CDH12: variants seen among roughly 807,000 people sequenced by gnomAD.
CDH12 encodes cadherin 12.
CDH12 carries 41 observed loss-of-function variants against 74.1 expected under a neutral mutation model. That is an observed-to-expected ratio of 0.55 (90% CI 0.43 to 0.72). CDH12 has a LOEUF of 0.72. Ranked by LOEUF, CDH12 falls within the 30% of genes least tolerant of loss-of-function variation. The pLI, the probability that CDH12 is intolerant of heterozygous loss-of-function variation, is 0.00. For synonymous variants in CDH12, 399 were observed against 355.0 expected, an observed-to-expected ratio of 1.12 and a Z score of -1.39; for missense variants, 945 against 977.2, an observed-to-expected ratio of 0.97 and a Z score of 0.44.
At chr5:22,177,030 T>A (rs554657967) in intron 4 of CDH12, among the ~76,000 whole-genome samples, 30 of 152,282 alleles carry the variant, frequency 2.0e-4, no homozygotes, top group Admixed American at 2.6e-4. Flanking sequence ...CCCTGCCTTT[T>A]ATTGTAATCA....
chr5:22,327,425 CCTCTGTGT>C (rs1230878024), intron 3 of CDH12, among the ~76,000 whole-genome samples: 2 of 90,234 alleles, frequency 2.2e-5, no homozygotes, highest in African/African-American at 8.3e-5. Context: ...AAAATTTGTG[CCTCTGTGT>C]GTGTGTGTGT....
intron 8 of CDH12, among the ~76,000 whole-genome samples, chr5:21,831,551 C>A (rs1414216725): frequency 1.3e-5 from 2 of 152,116 alleles, no homozygotes; most frequent in African/African-American, 4.8e-5. Context: ...TAATGCAGTT[C>A]CAGCAGCCAA....
Position 22,806,601 on chromosome 5 carries a change from G to T in CDH12, c.-523+46457C>A, listed in dbSNP as rs7709671. ...GATCTCCTGACCTCGTGATCCGCCC[G>T]CCTCGGCCTCCCAAAGTGCTGGGAT... On this transcript the variant is annotated intron_variant, in intron 1 of 14. Transcript: ENST00000382254. Among the ~76,000 whole-genome samples, 842 of 152,006 alleles carry T rather than the reference G, an allele frequency of 5.5e-3. 6 individuals carry two copies. The highest frequency in any genetic ancestry group is 0.019 in the African/African-American group (791 of 41,478).
At chr5:22,707,490 G>A (rs889478813) in intron 1 of CDH12, among the ~76,000 whole-genome samples, 6 of 152,088 alleles carry the variant, frequency 3.9e-5, no homozygotes, top group African/African-American at 1.2e-4. Flanking sequence ...CTCATTGAAG[G>A]AAGAAATGGT....
intron 4 of CDH12, among the ~76,000 whole-genome samples, chr5:22,202,167 C>CA (rs1750963967): frequency 3.7e-5 from 3 of 81,988 alleles, no homozygotes; most frequent in Non-Finnish European, 7.4e-5. Context: ...TCCTTCCTTC[C>CA]TCCCTTCCTT....
At chr5:22,327,467 T>C (rs975653578) in intron 3 of CDH12, among the ~76,000 whole-genome samples, 21 of 149,024 alleles carry the variant, frequency 1.4e-4, no homozygotes, top group African/African-American at 4.3e-4. Flanking sequence ...TGTGTGTGTG[T>C]GTGCATCTGT....
chr5:22,240,052 A>G (rs1368482785), intron 3 of CDH12, among the ~76,000 whole-genome samples: 1 of 152,126 alleles, frequency 6.6e-6, no homozygotes, highest in Non-Finnish European at 1.5e-5. Context: ...ACTTCCCCTC[A>G]TTTTATAGAT....
chr5:22,430,903 T>A (rs543225994), intron 2 of CDH12, among the ~76,000 whole-genome samples: 2 of 152,174 alleles, frequency 1.3e-5, no homozygotes, highest in Non-Finnish European at 2.9e-5. Flanking sequence ...TTGTAGTAAG[T>A]TGCTGATTTT....
chr5:21,755,522 A>G, intron 14 of CDH12, 69 bp downstream of exon 14: 1 of 1,369,838 alleles, frequency 7.3e-7, no homozygotes, highest in Non-Finnish European at 1.0e-6. Context: ...AGAGAGATGG[A>G]GGAGAGAGAG....
intron 1 of CDH12, among the ~76,000 whole-genome samples, chr5:22,600,801 T>C (rs1380320199): frequency 6.6e-6 from 1 of 152,054 alleles, no homozygotes; most frequent in Non-Finnish European, 1.5e-5. Context: ...CATTTTGGCT[T>C]GACATATTTG....
chr5:22,742,615 C>G (rs1182747108), intron 1 of CDH12, among the ~76,000 whole-genome samples: 1 of 152,098 alleles, frequency 6.6e-6, no homozygotes, highest in Non-Finnish European at 1.5e-5. Context: ...TCAGAATCAA[C>G]TAATCATAAT....
chr5:21,888,184 C>T (rs1237149639), intron 6 of CDH12, among the ~76,000 whole-genome samples: 1 of 152,064 alleles, frequency 6.6e-6, no homozygotes, highest in African/African-American at 2.4e-5. Context: ...ACACTGTGTA[C>T]CAAATCTAAG....
At chr5:22,778,140 A>G (rs987482030) in intron 1 of CDH12, among the ~76,000 whole-genome samples, 1 of 152,132 alleles carries the variant, frequency 6.6e-6, no homozygotes, top group Non-Finnish European at 1.5e-5. Context: ...GTCTCATCAT[A>G]TATTTAGAAA....
intron 2 of CDH12, among the ~76,000 whole-genome samples, chr5:22,498,650 GAT>G (rs1198207659): frequency 6.6e-6 from 1 of 151,618 alleles, no homozygotes; most frequent in African/African-American, 2.4e-5. Context: ...ATATACATAT[GAT>G]ATATAATATT....
At chr5:22,292,090 T>C (rs1038075681) in intron 3 of CDH12, among the ~76,000 whole-genome samples, 1 of 151,986 alleles carries the variant, frequency 6.6e-6, no homozygotes, top group African/African-American at 2.4e-5. Context: ...AAGAAGCCAA[T>C]AATACACTAT....
intron 3 of CDH12, among the ~76,000 whole-genome samples, chr5:22,321,362 G>A (rs1738872533): frequency 6.8e-6 from 1 of 147,128 alleles, no homozygotes; most frequent in Admixed American, 6.8e-5. Context: ...GATGAAATTG[G>A]AAATCATCAT....
At chr5:21,919,830 C>T (rs2150070923) in intron 6 of CDH12, among the ~76,000 whole-genome samples, 1 of 152,230 alleles carries the variant, frequency 6.6e-6, no homozygotes. Flanking sequence ...CAGACCTTCT[C>T]ATTGTCAGAG....
chr5:22,464,501 C>A (rs1745645221), intron 2 of CDH12, among the ~76,000 whole-genome samples: 1 of 152,080 alleles, frequency 6.6e-6, no homozygotes, highest in Admixed American at 6.5e-5. Context: ...TTTGACAAGA[C>A]CAATATTTCC....
intron 6 of CDH12, among the ~76,000 whole-genome samples, chr5:21,906,339 A>G (rs73057192): frequency 0.016 from 2,455 of 152,248 alleles, 75 homozygotes; most frequent in African/African-American, 0.056. Flanking sequence ...GAAATTTGCA[A>G]TGTTCTAGAT....
Sources: gnomAD v4.1 joint callset for allele counts (sites outside exome capture counted in the v4.1 genomes callset) on GRCh38, gnomAD v4.1.1 for gene constraint, MANE v1.5 for transcripts, NCBI Gene and HGNC (gene_info 2026-07-23, HGNC 2026-07-21) for gene names.